The following ARL6 variants were observed in gnomAD, a reference collection of about 807,000 sequenced individuals.
ARL6 encodes the protein ADP-ribosylation factor-like protein 6.
ARL6 carries 18 observed loss-of-function variants against 27.1 expected under a neutral mutation model. The observed-to-expected ratio is 0.66, with a 90% CI of 0.46 to 0.98. ARL6 has a LOEUF of 0.98. Ranked by LOEUF, ARL6 falls within the 50% of genes least tolerant of loss-of-function variation. The probability of loss-of-function intolerance (pLI) is 0.00; values close to 1 mark genes in which losing one functional copy is unlikely to be tolerated. For synonymous variants in ARL6, 65 were observed against 72.3 expected (o/e 0.90, Z 0.51); for missense variants, 187 against 214.9 (o/e 0.87, Z 0.81).
chr3:97,793,633 A>G (rs1206153633), intron 7 of ARL6, among the ~76,000 whole-genome samples: 1 of 152,176 alleles, frequency 6.6e-6, no homozygotes, highest in Non-Finnish European at 1.5e-5. Flanking sequence ...TAGCAATCCA[A>G]CATCACAATA....
chr3:97,769,400 C>A (rs2036537339), intron 2 of ARL6, among the ~76,000 whole-genome samples: 1 of 151,938 alleles, frequency 6.6e-6, no homozygotes, highest in Non-Finnish European at 1.5e-5. Flanking sequence ...ATTGTCACAT[C>A]ATCCAGTTTT....
chr3:97,793,837 T>C (rs1356549773), intron 7 of ARL6, among the ~76,000 whole-genome samples: 2 of 151,966 alleles, frequency 1.3e-5, no homozygotes, highest in Non-Finnish European at 2.9e-5. Flanking sequence ...CTCTGTTTTA[T>C]ATAGAAAGCA....
chr3:97,788,317 G>A (rs949664091), intron 6 of ARL6, among the ~76,000 whole-genome samples, 198 bp downstream of exon 6: 2 of 151,942 alleles, frequency 1.3e-5, no homozygotes, highest in African/African-American at 4.8e-5. Flanking sequence ...AAATTTTTGG[G>A]GGGATAGGAA....
chr3:97,779,466 A>C (rs2037073666), intron 2 of ARL6, among the ~76,000 whole-genome samples: 2 of 152,128 alleles, frequency 1.3e-5, no homozygotes, highest in Non-Finnish European at 2.9e-5. Flanking sequence ...TCTCTGCTCA[A>C]AATTGTGTTC....
At chr3:97,776,269 G>C (rs949119007) in intron 2 of ARL6, among the ~76,000 whole-genome samples, 1 of 152,002 alleles carries the variant, frequency 6.6e-6, no homozygotes, top group African/African-American at 2.4e-5. Flanking sequence ...GCTGTTTGTT[G>C]GTTTTCATTT....
At position 97,799,440 on chromosome 3, in the gene ARL6, T is replaced by C. The variant is rs545957921; in HGVS notation, c.*1391T>C. ...CTAGTTTACCATCTCTCTTGTAAAT[T>C]GTTTTAGAGGATACAAAATGAAAAT... On this transcript the variant is annotated 3_prime_UTR_variant, in exon 8 of 8. Transcript: ENST00000463745. 6 of 152,206 alleles carry C rather than the reference T, an allele frequency of 3.9e-5. No homozygotes were observed. Among genetic ancestry groups the C allele is most frequent in the African/African-American group, 1.4e-4 (6 of 41,564 alleles). 9.4% of individuals were successfully genotyped at this position (152,206 alleles called of 1,614,324 possible).
intron 2 of ARL6, 129 bp from the exon 3 acceptor site, chr3:97,780,030 T>C (rs1441620320): frequency 2.7e-6 from 2 of 730,192 alleles, no homozygotes; most frequent in South Asian, 3.3e-5. Flanking sequence ...GAAAAAATTA[T>C]ATAACTTTGT....
At chr3:97,795,026 G>A (rs2037933405) in intron 7 of ARL6, among the ~76,000 whole-genome samples, 3 of 152,088 alleles carry the variant, frequency 2.0e-5, no homozygotes, top group South Asian at 4.1e-4. Context: ...GCAGTGAGCC[G>A]AGATCATGCC....
chr3:97,793,912 A>G (rs56786316), intron 7 of ARL6, among the ~76,000 whole-genome samples: 32,906 of 151,804 alleles, frequency 0.22, 4,105 homozygotes, highest in Middle Eastern at 0.3. Context: ...TCTACTACTT[A>G]TTAATTTACC....
At chr3:97,775,400 A>G (rs1435261868) in intron 2 of ARL6, among the ~76,000 whole-genome samples, 2 of 152,146 alleles carry the variant, frequency 1.3e-5, no homozygotes, top group Non-Finnish European at 2.9e-5. Context: ...AAGGGCAGGA[A>G]GCATCCAGCA....
intron 6 of ARL6, among the ~76,000 whole-genome samples, chr3:97,788,763 G>A (rs1471082382): frequency 6.6e-6 from 1 of 152,114 alleles, no homozygotes; most frequent in African/African-American, 2.4e-5. Flanking sequence ...GTTATGCATT[G>A]TTTGTTTGGA....
chr3:97,798,436 G>A lies in ARL6; in HGVS notation c.*387G>A, dbSNP rs1197018868. The A allele has an allele frequency of 6.4e-6, 1 of 156,136 alleles. No individual in the cohort carries two copies. The highest frequency in any genetic ancestry group is 1.4e-5 in the Non-Finnish European group (1 of 70,564). The allele number at this position is 156,136 out of a possible 1,614,324, so 9.7% of individuals were successfully genotyped here. A position where few individuals can be genotyped will look rare whatever the true frequency, so the allele number is the denominator to read the frequency against. On this transcript the variant is annotated 3_prime_UTR_variant, in exon 8 of 8. Transcript: ENST00000463745. ...ACTTTGCAGTATGAATTGTGCTTGT[G>A]AAAAAGAACTTTAAATATTTATAAG...
At chr3:97,781,690 A>T (rs56068039) in intron 4 of ARL6, among the ~76,000 whole-genome samples, 33,195 of 151,968 alleles carry the variant, frequency 0.22, 4,128 homozygotes, top group Middle Eastern at 0.3. Context: ...ACTAGGACCC[A>T]AATGTGTTAT....
chr3:97,766,504 C>G (rs1045837760), intron 1 of ARL6: 4 of 152,168 alleles, frequency 2.6e-5, no homozygotes, highest in Non-Finnish European at 5.9e-5. Context: ...TGTAATAGGC[C>G]TCACCTTTTG....
chr3:97,765,211 G>GGTGTGT (rs71113866), intron 1 of ARL6, among the ~76,000 whole-genome samples: 1,539 of 105,538 alleles, frequency 0.015, 10 homozygotes, highest in South Asian at 0.027. Flanking sequence ...GTGTATTGGG[G>GGTGTGT]GTGTGTGTGT....
chr3:97,772,524 TC>T (rs1487744472), intron 2 of ARL6, among the ~76,000 whole-genome samples: 1 of 151,996 alleles, frequency 6.6e-6, no homozygotes, highest in Non-Finnish European at 1.5e-5. Flanking sequence ...TTTGTTATGA[TC>T]TTTATTTATT....
intron 5 of ARL6, 119 bp from the exon 6 acceptor site, chr3:97,787,871 T>A (rs2037533598): frequency 2.1e-6 from 2 of 970,168 alleles, no homozygotes; most frequent in Middle Eastern, 5.1e-4. Context: ...AATGTTTCTG[T>A]GTGTGTGATA....
At chr3:97,778,648 T>TA (rs2037027631) in intron 2 of ARL6, among the ~76,000 whole-genome samples, 1 of 152,196 alleles carries the variant, frequency 6.6e-6, no homozygotes. Flanking sequence ...GTAATTATAA[T>TA]AATATCAGAC....
In ARL6 at chr3:97,768,215, A is replaced by G; in HGVS notation, c.108A>G (p.Lys36=). 1 of 1,612,686 alleles carries G rather than the reference A, an allele frequency of 6.2e-7. No homozygotes were observed. Among genetic ancestry groups the G allele is most frequent in the Non-Finnish European group, 8.5e-7 (1 of 1,178,902 alleles). The change falls in exon 2 of 8, where the codon AAA becomes AAG. Residue 36 remains lysine, a synonymous_variant. Transcript: ENST00000463745. Reference sequence around the variant, plus strand: ...GTGGCAAAACGACGATCATTAACAAACTTAAACCTTCAAATGTAAGTATCT... The same window carrying G: ...GTGGCAAAACGACGATCATTAACAAGCTTAAACCTTCAAATGTAAGTATCT... The part of the protein sequence containing the change: ...DNSGKTTIIN[K]LKPSNAQSQN...
Sources: gnomAD v4.1 joint callset for allele counts (sites outside exome capture counted in the v4.1 genomes callset) on GRCh38, gnomAD v4.1.1 for gene constraint, MANE v1.5 for transcripts, NCBI Gene and HGNC (gene_info 2026-07-23, HGNC 2026-07-21) for gene names.